The following TENM4 variants were observed in gnomAD, a reference collection of about 807,000 sequenced individuals.
TENM4 encodes teneurin transmembrane protein 4.
Under a neutral mutation model 243.3 loss-of-function variants are expected in TENM4, and 82 were observed. The observed-to-expected ratio is 0.34, with a 90% CI of 0.28 to 0.40. TENM4 has a LOEUF of 0.40. TENM4 is among the 10% of genes least tolerant of loss of function. TENM4 has a pLI of 1.00. For missense variants in TENM4, 3,138 were observed against 3,673.3 expected, an observed-to-expected ratio of 0.85 and a Z score of 3.77; for synonymous variants, 1,412 against 1,456.3, an observed-to-expected ratio of 0.97 and a Z score of 0.69.
At chr11:78,868,797 C>G (rs912275575) in intron 9 of TENM4, among the ~76,000 whole-genome samples, 2 of 152,294 alleles carry the variant, frequency 1.3e-5, no homozygotes, top group East Asian at 3.9e-4. Flanking sequence ...CAGGGAGTGA[C>G]TAGACACGGT....
intron 1 of TENM4, among the ~76,000 whole-genome samples, chr11:79,300,028 C>T (rs1027855148): frequency 5.3e-5 from 8 of 152,374 alleles, no homozygotes; most frequent in Admixed American, 1.3e-4. Flanking sequence ...AATGACACCT[C>T]TTCCAGGAAG....
intron 15 of TENM4, among the ~76,000 whole-genome samples, chr11:78,790,499 T>C (rs528606453): frequency 6.6e-6 from 1 of 152,364 alleles, no homozygotes; most frequent in Non-Finnish European, 1.5e-5. Context: ...TGCAAAGCAC[T>C]CTTCATGGAC....
chr11:78,853,244 A>C (rs1011859137), intron 12 of TENM4, among the ~76,000 whole-genome samples: 15 of 152,252 alleles, frequency 9.9e-5, no homozygotes, highest in Non-Finnish European at 1.6e-4. Flanking sequence ...GGGAATTTTT[A>C]TCTCCAGACT....
At chr11:79,261,449 A>G (rs17137968) in intron 2 of TENM4, among the ~76,000 whole-genome samples, 4,726 of 152,256 alleles carry the variant, frequency 0.031, 221 homozygotes, top group East Asian at 0.14. Context: ...CTGTGATTCC[A>G]TGAAATGCTG....
chr11:78,846,275 TA>T (rs1858390880), intron 12 of TENM4, among the ~76,000 whole-genome samples: 2 of 152,236 alleles, frequency 1.3e-5, no homozygotes, highest in African/African-American at 4.8e-5. Context: ...CACTTATCAT[TA>T]TTTATCTTTA....
intron 24 of TENM4, among the ~76,000 whole-genome samples, chr11:78,721,788 T>C (rs1281777145): frequency 6.6e-6 from 1 of 152,154 alleles, no homozygotes; most frequent in Non-Finnish European, 1.5e-5. Flanking sequence ...CAGATTCCAT[T>C]CCCTAAAGGA....
intron 2 of TENM4, among the ~76,000 whole-genome samples, chr11:79,220,444 AGC>A: frequency 6.6e-6 from 1 of 152,168 alleles, no homozygotes; most frequent in Non-Finnish European, 1.5e-5. Context: ...CAAACCACTT[AGC>A]TTTTTACATT....
chr11:78,996,029 T>C (rs1031761737), intron 6 of TENM4, among the ~76,000 whole-genome samples: 3 of 152,100 alleles, frequency 2.0e-5, no homozygotes, highest in Non-Finnish European at 2.9e-5. Context: ...CTGATTTACG[T>C]GGAGAGAAGA....
intron 6 of TENM4, among the ~76,000 whole-genome samples, chr11:79,031,596 C>T (rs1055647191): frequency 6.6e-6 from 1 of 152,228 alleles, no homozygotes; most frequent in Middle Eastern, 3.4e-3. Flanking sequence ...CAGAAGTTTG[C>T]TTAATTAGTG....
chr11:78,900,150 A>T (rs1263451295), intron 7 of TENM4, among the ~76,000 whole-genome samples: 64 of 152,234 alleles, frequency 4.2e-4, no homozygotes, highest in Non-Finnish European at 1.5e-5. Context: ...CTCTTGACTC[A>T]CACTGTGAAG....
chr11:78,926,715 A>G (rs1591135577), intron 6 of TENM4, among the ~76,000 whole-genome samples: 2 of 149,794 alleles, frequency 1.3e-5, no homozygotes, highest in South Asian at 2.1e-4. Flanking sequence ...TAGCTTTAAC[A>G]TGAGATTTGA....
At chr11:79,084,381 G>T (rs1462291082) in intron 4 of TENM4, among the ~76,000 whole-genome samples, 1 of 152,104 alleles carries the variant, frequency 6.6e-6, no homozygotes, top group Non-Finnish European at 1.5e-5. Flanking sequence ...TTATCCCTCA[G>T]AAATAAAAGC....
Position 79,431,539 on chromosome 11 carries a change from A to G in TENM4, c.-321+8970T>C, listed in dbSNP as rs560263451. ...CAGTTACTGCCAAATTGCTTACCTA[A>G]AAGGGTATATTAATTTGCATTTCAA... On this transcript the variant is annotated intron_variant, in intron 1 of 33. Transcript: ENST00000278550. 1.2e-3 allele frequency among the ~76,000 whole-genome samples: 189 copies of G among 152,294 alleles called. 3 individuals are homozygous for G. The highest frequency in any genetic ancestry group is 4.3e-3 in the African/African-American group (177 of 41,570).
intron 2 of TENM4, among the ~76,000 whole-genome samples, chr11:79,258,751 C>T (rs1420647705): frequency 1.3e-5 from 2 of 152,212 alleles, no homozygotes; most frequent in Admixed American, 6.5e-5. Context: ...ACCAGGGAGG[C>T]TCAGGCAAAG....
intron 6 of TENM4, among the ~76,000 whole-genome samples, chr11:78,911,943 G>A (rs185004536): frequency 4.7e-4 from 72 of 152,286 alleles, no homozygotes; most frequent in Middle Eastern, 3.4e-3. Flanking sequence ...ATCCCTCCAG[G>A]ATACAACAAT....
chr11:79,157,369 A>C (rs1343384008), intron 3 of TENM4, among the ~76,000 whole-genome samples: 1 of 152,000 alleles, frequency 6.6e-6, no homozygotes, highest in Non-Finnish European at 1.5e-5. Flanking sequence ...ACGTGGAGTA[A>C]ATCTCTGACT....
chr11:78,813,923 G>A (rs1310762004), intron 13 of TENM4, among the ~76,000 whole-genome samples: 1 of 152,158 alleles, frequency 6.6e-6, no homozygotes, highest in Non-Finnish European at 1.5e-5. Flanking sequence ...ACACTAGCAT[G>A]AAGATAAACT....
intron 6 of TENM4, among the ~76,000 whole-genome samples, chr11:78,964,814 C>T (rs1857405020): frequency 6.6e-6 from 1 of 152,150 alleles, no homozygotes; most frequent in African/African-American, 2.4e-5. Context: ...GTTTGTATCA[C>T]AGACTTACCT....
chr11:78,999,549 CAAAGAT>C (rs1275327081), intron 6 of TENM4, among the ~76,000 whole-genome samples: 1 of 151,908 alleles, frequency 6.6e-6, no homozygotes, highest in East Asian at 1.9e-4. Flanking sequence ...AAAAAACCAC[CAAAGAT>C]AAACAATAAA....
Sources: allele counts gnomAD v4.1 joint callset (sites outside exome capture counted in the v4.1 genomes callset), GRCh38; gene constraint gnomAD v4.1.1; transcripts MANE v1.5; gene names NCBI Gene and HGNC (gene_info 2026-07-23, HGNC 2026-07-21).